The following NRXN2 variants were observed in gnomAD, a reference collection of about 807,000 sequenced individuals.
The protein encoded by NRXN2 is neurexin 2, also known as neurexin-2-beta.
NRXN2 carries 29 observed loss-of-function variants against 128.8 expected under a neutral mutation model. The observed-to-expected ratio is 0.23, with a 90% CI of 0.17 to 0.31. The LOEUF is 0.31. NRXN2 is among the 10% of genes least tolerant of loss of function. The pLI, the probability that NRXN2 is intolerant of heterozygous loss-of-function variation, is 1.00. For missense variants in NRXN2, 1,881 were observed against 2,452.6 expected (o/e 0.77, Z 4.92); for synonymous variants, 1,098 against 1,075.2 (o/e 1.02, Z -0.41).
chr11:64,629,439 TCTC>T (rs1314113999), intron 19 of NRXN2, among the ~76,000 whole-genome samples: 3 of 152,124 alleles, frequency 2.0e-5, no homozygotes, highest in African/African-American at 7.2e-5. Flanking sequence ...TCTCCACATC[TCTC>T]CTCATCTTTG....
intron 22 of NRXN2, among the ~76,000 whole-genome samples, chr11:64,618,659 G>A (rs2041884716): frequency 6.6e-6 from 1 of 152,216 alleles, no homozygotes; most frequent in Non-Finnish European, 1.5e-5. Flanking sequence ...AAGCAATGGA[G>A]GCATTGGAGT....
At chr11:64,712,767 G>A in intron 2 of NRXN2, 3 of 586,042 alleles carry the variant, frequency 5.1e-6, no homozygotes, top group South Asian at 1.5e-5. Context: ...AGCCGGCCCC[G>A]CCCACTCGCC....
chr11:64,722,920 C>T (rs1221612922), intron 1 of NRXN2, 51 bp downstream of exon 1: 1 of 111,470 alleles, frequency 9.0e-6, no homozygotes, highest in Non-Finnish European at 1.9e-5. Context: ...CCCCGATCGG[C>T]TCCCGCCCCC....
chr11:64,699,507 C>T (rs1481593644), intron 2 of NRXN2, among the ~76,000 whole-genome samples: 1 of 141,248 alleles, frequency 7.1e-6, no homozygotes, highest in Non-Finnish European at 1.5e-5. Flanking sequence ...CTCAGCTCAC[C>T]GCAACCTCCA....
rs568159276 is a variant in NRXN2, at chr11:64,622,602, C to T, written c.4173+151G>A. 423 of 1,151,528 alleles carry T rather than the reference C, an allele frequency of 3.7e-4. No individual in the cohort carries two copies. Among genetic ancestry groups the T allele is most frequent in the Non-Finnish European group, 5.0e-4 (403 of 813,252 alleles). 71.3% of individuals were successfully genotyped at this position (1,151,528 alleles called of 1,614,324 possible). A position where few individuals can be genotyped will look rare whatever the true frequency, so the allele number is the denominator to read the frequency against. ...CTTCCTGAAAGGTGACCTTGCCCATCGCCATGGCAACAAAGTCAGCGACAG... is the reference window on the plus strand; with the variant it reads ...CTTCCTGAAAGGTGACCTTGCCCATTGCCATGGCAACAAAGTCAGCGACAG... On this transcript the variant is annotated intron_variant, in intron 21 of 22. Coordinates refer to ENST00000265459, the MANE Select transcript of NRXN2 (RefSeq NM_015080.4). This position sits in a 1 kb window ranked among gnomAD's most constrained non-coding sequence, Gnocchi z 4.3.
chr11:64,610,951 G>A (rs949529266), intron 22 of NRXN2, among the ~76,000 whole-genome samples: 14 of 152,134 alleles, frequency 9.2e-5, no homozygotes, highest in African/African-American at 2.7e-4. Context: ...TGACATCTCA[G>A]AGTCTGGCCA....
At chr11:64,712,214 C>CCCGCCCACACTGG (rs1316534285) in intron 2 of NRXN2, among the ~76,000 whole-genome samples, 9 of 151,900 alleles carry the variant, frequency 5.9e-5, no homozygotes, top group Non-Finnish European at 1.3e-4. Context: ...TCTCACAGGC[C>CCCGCCCACACTGG]CCGCCCACAC....
At position 64,667,137 on chromosome 11, in the gene NRXN2, G is replaced by A; in HGVS notation, c.1798+113C>T. 1 of 1,084,204 alleles carries A rather than the reference G, an allele frequency of 9.2e-7. No homozygotes were observed. The highest frequency in any genetic ancestry group is 1.9e-5 in the Admixed American group (1 of 51,408). 67.2% of individuals were successfully genotyped at this position (1,084,204 alleles called of 1,614,324 possible). A position where few individuals can be genotyped will look rare whatever the true frequency, so the allele number is the denominator to read the frequency against. On this transcript the variant is annotated intron_variant, in intron 9 of 22. Coordinates refer to ENST00000265459, the MANE Select transcript of NRXN2 (RefSeq NM_015080.4). The surrounding 1 kb of genome is among the most constrained non-coding windows in gnomAD (Gnocchi z 5.6). Reference sequence around the variant, plus strand: ...AGGGGGGTGGAGGAGAAGCGGCAGGGAAGAATATAGGAAATGGTGTAGAAG... The same window carrying A: ...AGGGGGGTGGAGGAGAAGCGGCAGGAAAGAATATAGGAAATGGTGTAGAAG...
chr11:64,648,897 G>A lies in NRXN2; in HGVS notation c.3120C>T (p.Tyr1040=), dbSNP rs753742080. The change falls in exon 16 of 23, where the codon TAC becomes TAT. Residue 1040 remains tyrosine, a synonymous_variant. Transcript: ENST00000265459. The surrounding 1 kb of genome is among the most constrained non-coding windows in gnomAD (Gnocchi z 4.1). ...ARNLDLKGEL[Y]IGGLSKNMFS... is the part of the protein sequence containing the mutation. ...ACATATTCTTGCTCAGACCGCCAATGTACAACTCCCCTGCAAAGGGAGTGG... is the reference window on the plus strand; with the variant it reads ...ACATATTCTTGCTCAGACCGCCAATATACAACTCCCCTGCAAAGGGAGTGG... The A allele has an allele frequency of 2.5e-6, 4 of 1,614,184 alleles. No homozygotes were observed. The Admixed American group carries it at 6.7e-5, about 27-fold the overall frequency.
chr11:64,661,891 G>A (rs147711230), intron 9 of NRXN2, among the ~76,000 whole-genome samples: 11 of 152,246 alleles, frequency 7.2e-5, no homozygotes, highest in East Asian at 3.9e-4. Context: ...CAGGGCCTGC[G>A]GGGCAGGACA....
At position 64,651,211 on chromosome 11, in the gene NRXN2, A is replaced by G. The variant is rs768695852; in HGVS notation, c.2918+44T>C. 6.2e-7 allele frequency: 1 copy of G among 1,611,058 alleles called. No individual in the cohort carries two copies. On this transcript the variant is annotated intron_variant, in intron 14 of 22. Transcript: ENST00000265459. This position sits in a 1 kb window ranked among gnomAD's most constrained non-coding sequence, Gnocchi z 5.9. ...GAGCTGTATGTGGTTCAGCAGGGGG[A>G]GGGGGCCACCTCCTTGACAGCAGTG...
At position 64,635,726 on chromosome 11, in the gene NRXN2, CAGAG is replaced by C. The variant is rs1188220475; in HGVS notation, c.3404-278_3404-275del. Among the ~76,000 whole-genome samples, 1 of 152,124 alleles carries C rather than the reference CAGAG, an allele frequency of 6.6e-6. No individual in the cohort carries two copies. Among genetic ancestry groups the C allele is most frequent in the African/African-American group, 2.4e-5 (1 of 41,416 alleles). On this transcript the variant is annotated intron_variant, in intron 17 of 22. Coordinates refer to ENST00000265459, the MANE Select transcript of NRXN2 (RefSeq NM_015080.4). The surrounding 1 kb of genome is among the most constrained non-coding windows in gnomAD (Gnocchi z 4.8). The stretch of plus-strand genomic sequence containing the variant: ...AAAATAGAGAGGTAATAGAGTGACA[CAGAG>C]AGAGAGCCCAGAGAGAAGCTGTAAG...
At chr11:64,711,661 C>T (rs888707927) in intron 2 of NRXN2, among the ~76,000 whole-genome samples, 3 of 152,140 alleles carry the variant, frequency 2.0e-5, no homozygotes, top group Non-Finnish European at 4.4e-5. Context: ...GTCAGCCCCA[C>T]GGCCCAGGGT....
At chr11:64,716,159 C>T (rs949399057) in intron 1 of NRXN2, among the ~76,000 whole-genome samples, 2 of 152,222 alleles carry the variant, frequency 1.3e-5, no homozygotes, top group Non-Finnish European at 2.9e-5. Flanking sequence ...TCCCAGCATC[C>T]ACCCCCACCT....
At position 64,700,646 on chromosome 11, in the gene NRXN2, G is replaced by C. The variant is rs528562647; in HGVS notation, c.731-2854C>G. Among the ~76,000 whole-genome samples, 7 of 152,284 alleles carry C rather than the reference G, an allele frequency of 4.6e-5. No homozygotes were observed. The East Asian group carries it at 1.4e-3, about 29-fold the overall frequency. On this transcript the variant is annotated intron_variant, in intron 2 of 22. Transcript: ENST00000265459. ...GCCTCTGGCCTCACTCCTTGTGCCT[G>C]GTTTCCTGCAATAGCTTCCTCTTGG...
At chr11:64,696,489 G>T (rs1000482206) in intron 3 of NRXN2, among the ~76,000 whole-genome samples, 2 of 149,878 alleles carry the variant, frequency 1.3e-5, no homozygotes, top group Non-Finnish European at 3.0e-5. Context: ...TTGTATAAAT[G>T]TATGTGTATG....
chr11:64,699,298 C>T (rs950974885), intron 2 of NRXN2, among the ~76,000 whole-genome samples: 4 of 152,172 alleles, frequency 2.6e-5, no homozygotes, highest in African/African-American at 7.2e-5. Context: ...CTCTTTATCT[C>T]CCATTTCCTA....
chr11:64,660,926 C>A lies in NRXN2; in HGVS notation c.2012G>T (p.Arg671Leu), dbSNP rs772419587. 1.7e-5 allele frequency: 27 copies of A among 1,613,600 alleles called. No individual in the cohort carries two copies. The highest frequency in any genetic ancestry group is 1.6e-4 in the Middle Eastern group (1 of 6,084). Residue 671 changes from arginine (R) to leucine (L), a missense_variant, in exon 10 of 23, where the codon CGG (arginine) becomes CTG (leucine). Physicochemically the swap from Arg to Leu is moderately radical, Grantham distance 102 (BLOSUM62 -2). This residue lies in a region of NRXN2 where 997 missense variants were observed against 1,240.8 expected (regional missense o/e 0.80). Transcript: ENST00000265459. The surrounding 1 kb of genome is among the most constrained non-coding windows in gnomAD (Gnocchi z 5.2). Reference sequence around the variant, plus strand: ...AGCCCCCTGAGCCTCAGCCAGGCCCCGGAGGTCTCGGCTACGCCCATCTAT... The same window carrying A: ...AGCCCCCTGAGCCTCAGCCAGGCCCAGGAGGTCTCGGCTACGCCCATCTAT... ...LFIDGRSRDL[R>L]GLAEAQGAVG...
At chr11:64,673,335 TTA>T (rs1346520825) in intron 7 of NRXN2, among the ~76,000 whole-genome samples, 1 of 152,194 alleles carries the variant, frequency 6.6e-6, no homozygotes, top group African/African-American at 2.4e-5. Flanking sequence ...CCTTTTTGCT[TTA>T]TATCCACCCT....
Sources: allele counts gnomAD v4.1 joint callset (sites outside exome capture counted in the v4.1 genomes callset), GRCh38; gene constraint gnomAD v4.1.1; regional missense constraint gnomAD v4.1.1; non-coding constraint Gnocchi (gnomAD v3.1); transcripts MANE v1.5; gene names NCBI Gene and HGNC (gene_info 2026-07-23, HGNC 2026-07-21).